Variants in CTNNA2 observed in about 807,000 individuals in gnomAD.
The protein encoded by CTNNA2 is catenin alpha 2, also known as catenin alpha-2.
CTNNA2 carries 42 observed loss-of-function variants against 101.0 expected under a neutral mutation model. The ratio of observed to expected loss-of-function variants is 0.42; its 90% CI spans 0.32 to 0.54. The LOEUF (loss-of-function observed/expected upper bound fraction) is 0.54, where lower values mean the gene tolerates loss of function less well. Among genes scored for constraint, CTNNA2 ranks in the 20% least tolerant of loss-of-function variants. CTNNA2 has a pLI of 0.14. For missense variants in CTNNA2, 871 were observed against 1,223.1 expected (o/e 0.71, Z 4.29); for synonymous variants, 450 against 456.4 (o/e 0.99, Z 0.18).
At chr2:79,675,133 G>A (rs544027452) in intron 2 of CTNNA2, among the ~76,000 whole-genome samples, 3 of 152,242 alleles carry the variant, frequency 2.0e-5, no homozygotes, top group Admixed American at 6.5e-5. Context: ...TAAAATGTGG[G>A]AATACCATAA....
intron 7 of CTNNA2, among the ~76,000 whole-genome samples, chr2:80,047,283 A>T (rs1241473579): frequency 1.3e-5 from 2 of 152,258 alleles, no homozygotes; most frequent in Non-Finnish European, 2.9e-5. Context: ...TTAGTCCATC[A>T]GTCACACTTA....
chr2:80,306,450 T>TTCTTTCTCTC (rs1553488063), intron 7 of CTNNA2, among the ~76,000 whole-genome samples: 1 of 124,924 alleles, frequency 8.0e-6, no homozygotes, highest in East Asian at 2.6e-4. Flanking sequence ...CTTTCTTTCT[T>TTCTTTCTCTC]TCTCTCTCTC....
intron 4 of CTNNA2, among the ~76,000 whole-genome samples, chr2:79,494,208 T>G (rs1165890703): frequency 6.6e-6 from 1 of 151,684 alleles, no homozygotes; most frequent in Non-Finnish European, 1.5e-5. Flanking sequence ...CTCATGTTCA[T>G]GGAACAGATA....
chr2:80,276,698 G>A (rs1489893419), intron 7 of CTNNA2, among the ~76,000 whole-genome samples: 21 of 151,842 alleles, frequency 1.4e-4, no homozygotes, highest in Admixed American at 1.1e-3. Flanking sequence ...AGGAGGAGGA[G>A]GGATGTGCCA....
intron 8 of CTNNA2, among the ~76,000 whole-genome samples, chr2:80,406,683 C>T (rs1422290363): frequency 2.6e-5 from 4 of 151,496 alleles, no homozygotes; most frequent in Non-Finnish European, 4.4e-5. Flanking sequence ...AAAAATTAGC[C>T]GGGTGTGGTG....
In CTNNA2 at chr2:80,363,252, G is replaced by GAA. The variant is rs35470767; in HGVS notation, c.1057-29951_1057-29950dup. Among the ~76,000 whole-genome samples, 6 of 150,452 alleles carry GAA rather than the reference G, an allele frequency of 4.0e-5. No individual in the cohort carries two copies. In the East Asian group the frequency reaches 5.9e-4, roughly 15 times the overall value. On this transcript the variant is annotated intron_variant, in intron 7 of 18. Coordinates refer to ENST00000402739, the MANE Select transcript of CTNNA2 (RefSeq NM_001282597.3). ...CAGAAATGATTTTTAAAAACATGAA[G>GAA]AAAAAAAAATGATGCCATTGCTTGA...
At position 80,016,245 on chromosome 2, in the gene CTNNA2, G is replaced by A. The variant is rs554108860; in HGVS notation, c.1056+106448G>A. Among the ~76,000 whole-genome samples, 113 of 152,234 alleles carry A rather than the reference G, an allele frequency of 7.4e-4. No individual in the cohort carries two copies. In the Middle Eastern group the frequency reaches 0.014, roughly 18 times the overall value. On this transcript the variant is annotated intron_variant, in intron 7 of 18. Transcript: ENST00000402739. ...GGCAACAAGTAAGTGCTACACGCTG[G>A]GCTTGGCCCTGAGATAACAGAGCTA... is the stretch of plus-strand genomic sequence containing the variant.
chr2:80,371,055 T>C (rs1675396509), intron 7 of CTNNA2, among the ~76,000 whole-genome samples: 1 of 142,126 alleles, frequency 7.0e-6, no homozygotes, highest in South Asian at 2.2e-4. Context: ...TCTGTATCCC[T>C]ATATCTTCAG....
intron 9 of CTNNA2, among the ~76,000 whole-genome samples, chr2:80,544,060 C>G (rs907133695): frequency 1.3e-5 from 2 of 152,108 alleles, no homozygotes; most frequent in Non-Finnish European, 2.9e-5. Context: ...ATTACCAACT[C>G]TCCTTCAAGA....
intron 8 of CTNNA2, among the ~76,000 whole-genome samples, chr2:80,403,987 A>G (rs1041927045): frequency 9.2e-5 from 14 of 152,118 alleles, no homozygotes; most frequent in Admixed American, 7.9e-4. Context: ...TAAACTTTTT[A>G]ATGTGCTACT....
At chr2:79,977,610 G>A (rs1690961507) in intron 7 of CTNNA2, among the ~76,000 whole-genome samples, 1 of 152,088 alleles carries the variant, frequency 6.6e-6, no homozygotes, top group Non-Finnish European at 1.5e-5. Context: ...GTTATTACAT[G>A]CATAGTTTTA....
rs1558989912 is a variant in CTNNA2 at position 80,306,432 on chromosome 2, CTTTCTTTCTTTCTT to C, written c.1057-86777_1057-86764del. On this transcript the variant is annotated intron_variant, in intron 7 of 18. Coordinates refer to ENST00000402739, the MANE Select transcript of CTNNA2 (RefSeq NM_001282597.3). ...TCTTTCTTTCTTTCTTTCTTTCTTT[CTTTCTTTCTTTCTT>C]TCTTTCTCTCTCTCTCTTTCTTTCT... 4.1e-3 allele frequency among the ~76,000 whole-genome samples: 575 copies of C among 141,708 alleles called. 8 individuals carry two copies. Among genetic ancestry groups the C allele is most frequent in the African/African-American group, 0.014 (550 of 37,936 alleles). 93.0% of individuals were successfully genotyped at this position (141,708 alleles called of 152,430 possible). A position where few individuals can be genotyped will look rare whatever the true frequency, so the allele number is the denominator to read the frequency against.
chr2:79,376,906 T>TAA (rs1677984657), intron 4 of CTNNA2, among the ~76,000 whole-genome samples: 1 of 152,220 alleles, frequency 6.6e-6, no homozygotes, highest in Non-Finnish European at 1.5e-5. Context: ...TTGGCTTGGT[T>TAA]CCAAGTCTTT....
chr2:80,256,236 C>T lies in CTNNA2; in HGVS notation c.1057-136975C>T, dbSNP rs113980022. On this transcript the variant is annotated intron_variant, in intron 7 of 18. Transcript: ENST00000402739. ...CATACCATGTGAATTCAGTTTTCCC[C>T]TGTGTCAGGGGAAATTCATCACAAA... Among the ~76,000 whole-genome samples the T allele has an allele frequency of 2.1e-3, 320 of 152,154 alleles. 4 individuals are homozygous for T. The highest frequency in any genetic ancestry group is 7.4e-3 in the African/African-American group (308 of 41,512).
intron 3 of CTNNA2, among the ~76,000 whole-genome samples, chr2:79,766,230 G>T (rs558864577): frequency 1.3e-5 from 2 of 152,258 alleles, no homozygotes; most frequent in South Asian, 4.1e-4. Context: ...AATGCGGTCC[G>T]TGAGCTTTTG....
intron 1 of CTNNA2, among the ~76,000 whole-genome samples, chr2:79,526,043 T>G (rs1672386820): frequency 6.6e-6 from 1 of 152,002 alleles, no homozygotes; most frequent in Non-Finnish European, 1.5e-5. Context: ...GTGTATACGT[T>G]TTATTGTTGC....
rs1484219508 is a variant in CTNNA2, at chr2:79,244,874, C to A, written c.-406+46798C>A. ...CTTTGGGAGGCTGAGGCGGGTGGAT[C>A]ACCTGAGGCCAAGAGTTTGAGACCA... On this transcript the variant is annotated intron_variant, in intron 2 of 21. Coordinates refer to the CTNNA2 transcript ENST00000466387. Among the ~76,000 whole-genome samples, 9 of 152,158 alleles carry A rather than the reference C, an allele frequency of 5.9e-5. No individual in the cohort carries two copies. In the South Asian group the frequency reaches 1.9e-3, roughly 32 times the overall value.
At chr2:80,581,486 G>T (rs1290877078) in intron 13 of CTNNA2, among the ~76,000 whole-genome samples, 4 of 152,100 alleles carry the variant, frequency 2.6e-5, no homozygotes, top group Non-Finnish European at 5.9e-5. Context: ...ATACCTGTAT[G>T]AGGAAATAAT....
At chr2:80,527,388 G>A (rs1438292245) in intron 9 of CTNNA2, among the ~76,000 whole-genome samples, 1 of 152,204 alleles carries the variant, frequency 6.6e-6, no homozygotes, top group Non-Finnish European at 1.5e-5. Context: ...AAACACAGAT[G>A]ACTGGGCCCC....
Sources: allele counts gnomAD v4.1 joint callset (sites outside exome capture counted in the v4.1 genomes callset), GRCh38; gene constraint gnomAD v4.1.1; transcripts MANE v1.5; gene names NCBI Gene and HGNC (gene_info 2026-07-23, HGNC 2026-07-21).